Variants in NBAS observed in about 807,000 individuals in gnomAD.
NBAS encodes the protein NBAS subunit of NRZ tethering complex.
Under a neutral mutation model 302.5 loss-of-function variants are expected in NBAS, and 219 were observed. The observed-to-expected ratio is 0.72, with a 90% CI of 0.65 to 0.81. The LOEUF (loss-of-function observed/expected upper bound fraction) is 0.81. Among genes scored for constraint, NBAS ranks in the 30% least tolerant of loss-of-function variants. The probability of loss-of-function intolerance (pLI) is 0.00; values close to 1 mark genes in which losing one functional copy is unlikely to be tolerated. For missense variants in NBAS, 2,932 were observed against 2,841.6 expected (o/e 1.03, Z -0.72); for synonymous variants, 1,118 against 1,021.6 (o/e 1.09, Z -1.80).
chr2:14,819,370 G>C, the NBAS span, among the ~76,000 whole-genome samples: 2 of 152,174 alleles, frequency 1.3e-5, no homozygotes, highest in African/African-American at 4.8e-5. Flanking sequence ...TCAGAGACCA[G>C]CAACTCCTCC....
At chr2:15,343,522 G>A (rs1278820212) in intron 35 of NBAS, among the ~76,000 whole-genome samples, 2 of 152,042 alleles carry the variant, frequency 1.3e-5, no homozygotes. Flanking sequence ...TGCCATCTTT[G>A]TGTGTACTAA....
chr2:14,898,785 G>A, the NBAS span, among the ~76,000 whole-genome samples: 1 of 152,278 alleles, frequency 6.6e-6, no homozygotes, highest in African/African-American at 2.4e-5. Flanking sequence ...ATGTGGAACT[G>A]TAAGTTCAAT....
chr2:15,036,553 T>C, the NBAS span, among the ~76,000 whole-genome samples: 2 of 152,172 alleles, frequency 1.3e-5, no homozygotes, highest in Admixed American at 6.5e-5. Flanking sequence ...CGAGTTCTGA[T>C]TGAGCATGTT....
intron 35 of NBAS, among the ~76,000 whole-genome samples, chr2:15,344,749 C>G (rs545666109): frequency 1.3e-5 from 2 of 152,044 alleles, no homozygotes; most frequent in Non-Finnish European, 2.9e-5. Flanking sequence ...TGAACATCAA[C>G]GCGAAAATCC....
At chr2:15,157,942 GT>G in the NBAS span, among the ~76,000 whole-genome samples, 1 of 152,150 alleles carries the variant, frequency 6.6e-6, no homozygotes, top group Admixed American at 6.5e-5. Context: ...TGTAAACTGT[GT>G]TTGCAGGAAC....
Position 15,330,661 on chromosome 2 carries a change from C to T in NBAS, c.4284G>A (p.Val1428=). The T allele has an allele frequency of 6.2e-7, 1 of 1,614,056 alleles. No homozygotes were observed. The highest frequency in any genetic ancestry group is 2.2e-5 in the East Asian group (1 of 44,876). ...LSNTTTTTKA[V]LQAVSDGQWW... ...ACTGCCCATCACTGACGGCCTGCAG[C>T]ACCGCTTTGGTGGTGGTTGTGGTGT... is the stretch of plus-strand genomic sequence containing the variant. The change falls in exon 36 of 52, where the codon GTG becomes GTA. Residue 1428 remains valine (V), a synonymous_variant. Coordinates refer to ENST00000281513, the MANE Select transcript of NBAS (RefSeq NM_015909.4).
intron 7 of NBAS, chr2:15,538,400 C>A (rs747251728): frequency 2.4e-6 from 1 of 421,906 alleles, no homozygotes; most frequent in Non-Finnish European, 4.8e-6. Context: ...TTATCTATAT[C>A]ATTGGTTTTC....
At chr2:15,013,124 T>G in the NBAS span, among the ~76,000 whole-genome samples, 36 of 152,072 alleles carry the variant, frequency 2.4e-4, no homozygotes, top group African/African-American at 8.0e-4. Flanking sequence ...CTCCCAAAGT[T>G]CTGGGATTAT....
At chr2:15,504,287 A>C in intron 10 of NBAS, 74 bp from the exon 11 acceptor site, 1 of 1,165,974 alleles carries the variant, frequency 8.6e-7, no homozygotes, top group South Asian at 1.2e-5. Context: ...CTTTATAATG[A>C]AATGAAAACT....
In NBAS at chr2:15,192,467, G is replaced by A. The variant is rs549742439; in HGVS notation, c.6433-2064C>T. ...GCTGGTTTCATTATTAGAGATTAAT[G>A]TAAGATTTAAAAAGAAAATGATATT... On this transcript the variant is annotated intron_variant, in intron 48 of 51. Coordinates refer to ENST00000281513, the MANE Select transcript of NBAS (RefSeq NM_015909.4). Among the ~76,000 whole-genome samples the A allele has an allele frequency of 3.9e-5, 6 of 152,042 alleles. No homozygotes were observed. In the East Asian group the frequency reaches 7.7e-4, roughly 20 times the overall value.
chr2:15,205,011 T>TA (rs1236272537), intron 48 of NBAS, among the ~76,000 whole-genome samples: 2 of 151,214 alleles, frequency 1.3e-5, no homozygotes, highest in Non-Finnish European at 2.9e-5. Flanking sequence ...ACTATAATAA[T>TA]AAAAAATAAA....
At chr2:15,356,259 A>G in intron 33 of NBAS, 44 bp downstream of exon 33, 1 of 1,481,294 alleles carries the variant, frequency 6.8e-7, no homozygotes, top group Non-Finnish European at 9.4e-7. Context: ...TATCCATCAC[A>G]TAAAGAGGAC....
intron 21 of NBAS, among the ~76,000 whole-genome samples, chr2:15,450,958 T>C (rs1290024532): frequency 1.3e-5 from 2 of 152,180 alleles, no homozygotes; most frequent in Non-Finnish European, 2.9e-5. Flanking sequence ...GGAATATCCA[T>C]AAAACTATGA....
At chr2:15,187,951 G>A (rs12476678) in intron 49 of NBAS, among the ~76,000 whole-genome samples, 42,999 of 152,112 alleles carry the variant, frequency 0.28, 6,683 homozygotes, top group African/African-American at 0.42. Flanking sequence ...AGTTCTGTGA[G>A]AGTGTCTGGT....
intron 40 of NBAS, among the ~76,000 whole-genome samples, chr2:15,307,902 TAA>T (rs991816654): frequency 2.0e-5 from 3 of 152,172 alleles, no homozygotes; most frequent in African/African-American, 7.2e-5. Context: ...GAAAGTAAGT[TAA>T]AAAAACAATT....
At chr2:15,311,710 T>C (rs534166727) in intron 38 of NBAS, among the ~76,000 whole-genome samples, 1 of 152,318 alleles carries the variant, frequency 6.6e-6, no homozygotes, top group African/African-American at 2.4e-5. Flanking sequence ...CAGCAATCAT[T>C]TGAATTAGTT....
At chr2:15,002,853 C>T in the NBAS span, among the ~76,000 whole-genome samples, 1 of 152,198 alleles carries the variant, frequency 6.6e-6, no homozygotes, top group Non-Finnish European at 1.5e-5. Context: ...AAGCCCACGC[C>T]CACCCGGAAC....
rs1220032845 is a variant in NBAS, at chr2:15,232,493, A to C, written c.6165T>G (p.Leu2055=). The C allele has an allele frequency of 6.2e-7, 1 of 1,613,924 alleles. No individual in the cohort carries two copies. Among genetic ancestry groups the C allele is most frequent in the Admixed American group, 1.7e-5 (1 of 60,024 alleles). The change falls in exon 47 of 52, where the codon CTT becomes CTG. Residue 2055 remains leucine, a synonymous_variant. Coordinates refer to ENST00000281513, the MANE Select transcript of NBAS (RefSeq NM_015909.4). ...ISALSGGSAD[L]GGPRDPLKVL... is the part of the protein sequence containing the mutation. Reference sequence around the variant, plus strand: ...CCTTCAGTGGGTCCCTTGGCCCACCAAGGTCAGCACTGCCACCACTGTGAA... The same window carrying C: ...CCTTCAGTGGGTCCCTTGGCCCACCCAGGTCAGCACTGCCACCACTGTGAA...
rs76176782 is a variant in NBAS, at chr2:15,282,829, C to A, written c.5138+4244G>T. Among the ~76,000 whole-genome samples the A allele has an allele frequency of 5.6e-3, 855 of 152,260 alleles. 8 individuals are homozygous for A. The highest frequency in any genetic ancestry group is 5.6e-3 in the Non-Finnish European group (382 of 68,016). ...TTCTCCTTTGCTTACTCTGTCCCAG[C>A]CACAATGGTCTTCCTTTAGTTACTC... On this transcript the variant is annotated intron_variant, in intron 42 of 51. Coordinates refer to ENST00000281513, the MANE Select transcript of NBAS (RefSeq NM_015909.4).
Sources: gnomAD v4.1 joint callset for allele counts (sites outside exome capture counted in the v4.1 genomes callset) on GRCh38, gnomAD v4.1.1 for gene constraint, MANE v1.5 for transcripts, NCBI Gene and HGNC (gene_info 2026-07-23, HGNC 2026-07-21) for gene names.